ENTREP2: variants seen among roughly 807,000 people sequenced by gnomAD.
ENTREP2 encodes protein ENTREP2.
At chr15:29,453,854 G>A in the ENTREP2 span, among the ~76,000 whole-genome samples, 1 of 152,206 alleles carries the variant, frequency 6.6e-6, no homozygotes, top group Non-Finnish European at 1.5e-5. Context: ...AATGGCCACA[G>A]AATCTGGGAA....
the ENTREP2 span, among the ~76,000 whole-genome samples, chr15:29,634,663 C>T: frequency 2.0e-5 from 3 of 152,158 alleles, no homozygotes; most frequent in African/African-American, 4.8e-5. Context: ...CCCAAGACTA[C>T]CCCCCTTCCC....
chr15:29,258,236 A>C, the ENTREP2 span, among the ~76,000 whole-genome samples: 1 of 151,158 alleles, frequency 6.6e-6, no homozygotes, highest in African/African-American at 2.4e-5. Context: ...AAAAAAAAGA[A>C]AGAAAGAAAA....
chr15:29,173,227 TAA>T, the ENTREP2 span, among the ~76,000 whole-genome samples: 1 of 152,182 alleles, frequency 6.6e-6, no homozygotes, highest in Non-Finnish European at 1.5e-5. Context: ...GAGGGTGCTG[TAA>T]GCTGGGCCTG....
chr15:29,254,904 A>G, the ENTREP2 span, among the ~76,000 whole-genome samples: 1,068 of 152,266 alleles, frequency 7.0e-3, 16 homozygotes, highest in African/African-American at 0.024. Context: ...CTCCAAAATT[A>G]ACAATATCAT....
the ENTREP2 span, among the ~76,000 whole-genome samples, chr15:29,160,068 AG>A: frequency 1.3e-5 from 2 of 152,314 alleles, no homozygotes; most frequent in Non-Finnish European, 2.9e-5. Context: ...CCTTGCCCAG[AG>A]GGAAGGCAGC....
the ENTREP2 span, among the ~76,000 whole-genome samples, chr15:29,351,324 T>C: frequency 6.6e-6 from 1 of 152,186 alleles, no homozygotes; most frequent in African/African-American, 2.4e-5. Context: ...CTATATGTGG[T>C]CTGTCATCGA....
chr15:29,594,098 A>G, the ENTREP2 span, among the ~76,000 whole-genome samples: 1 of 152,132 alleles, frequency 6.6e-6, no homozygotes, highest in South Asian at 2.1e-4. Context: ...TTTTCCAAAA[A>G]GGTTTAAAAA....
At chr15:29,441,987 A>G in the ENTREP2 span, among the ~76,000 whole-genome samples, 3 of 152,156 alleles carry the variant, frequency 2.0e-5, no homozygotes, top group African/African-American at 7.2e-5. Context: ...CAGGACAGCC[A>G]ATACCAACCC....
chr15:29,670,655 T>G, the ENTREP2 span, among the ~76,000 whole-genome samples: 1 of 151,772 alleles, frequency 6.6e-6, no homozygotes, highest in African/African-American at 2.4e-5. Context: ...TTAAAGAAAA[T>G]GAAAACAAAA....
the ENTREP2 span, among the ~76,000 whole-genome samples, chr15:29,412,322 A>C: frequency 6.6e-6 from 1 of 151,782 alleles, no homozygotes; most frequent in Admixed American, 6.6e-5. Context: ...TAAGTTCCTT[A>C]TTTTTGTGCT....
the ENTREP2 span, among the ~76,000 whole-genome samples, chr15:29,501,432 G>A: frequency 6.6e-6 from 1 of 151,992 alleles, no homozygotes; most frequent in Non-Finnish European, 1.5e-5. Context: ...CATCTCAATA[G>A]ATGCAGAAAA....
chr15:29,660,812 C>T, the ENTREP2 span, among the ~76,000 whole-genome samples: 6 of 152,264 alleles, frequency 3.9e-5, no homozygotes, highest in East Asian at 1.2e-3. Context: ...TCTATGAGGA[C>T]TTTTTTCAAC....
At chr15:29,513,900 C>T in the ENTREP2 span, among the ~76,000 whole-genome samples, 105 of 152,256 alleles carry the variant, frequency 6.9e-4, 1 homozygote, top group African/African-American at 2.5e-3. Context: ...CTTGACCATC[C>T]GTGAACAAAA....
chr15:29,462,412 C>A, the ENTREP2 span, among the ~76,000 whole-genome samples: 4 of 151,940 alleles, frequency 2.6e-5, no homozygotes, highest in African/African-American at 9.7e-5. Context: ...AGTTTGAGAC[C>A]AGCCTGGCTA....
At chr15:29,558,132 A>T in the ENTREP2 span, among the ~76,000 whole-genome samples, 1 of 151,808 alleles carries the variant, frequency 6.6e-6, no homozygotes, top group Non-Finnish European at 1.5e-5. Context: ...CTCATAAAAT[A>T]CTCCCCTCCC....
chr15:29,508,267 A>G, the ENTREP2 span, among the ~76,000 whole-genome samples: 1 of 152,186 alleles, frequency 6.6e-6, no homozygotes, highest in Non-Finnish European at 1.5e-5. Flanking sequence ...ATAGCCTACC[A>G]ACCAAAAAAA....
At chr15:29,481,004 C>A in the ENTREP2 span, among the ~76,000 whole-genome samples, 1 of 152,094 alleles carries the variant, frequency 6.6e-6, no homozygotes, top group Non-Finnish European at 1.5e-5. Context: ...TAGACCATAC[C>A]CCAGCATGGG....
chr15:29,189,438 CT>C, the ENTREP2 span, among the ~76,000 whole-genome samples: 1 of 146,500 alleles, frequency 6.8e-6, no homozygotes, highest in African/African-American at 2.5e-5. Context: ...TTTTTTTTAA[CT>C]TTCTTAGAGA....
chr15:29,196,913 C>G, the ENTREP2 span, among the ~76,000 whole-genome samples: 15 of 152,164 alleles, frequency 9.9e-5, no homozygotes, highest in Non-Finnish European at 2.1e-4. Context: ...AGCTCTGTGC[C>G]TTGGCTCATT....
Sources: gnomAD v4.1 joint callset for allele counts (sites outside exome capture counted in the v4.1 genomes callset) on GRCh38, gnomAD v4.1.1 for gene constraint, MANE v1.5 for transcripts, NCBI Gene and HGNC (gene_info 2026-07-23, HGNC 2026-07-21) for gene names.